Variants in SNX29 observed in about 807,000 individuals in gnomAD.
The protein encoded by SNX29 is sorting nexin-29.
Under a neutral mutation model 102.1 loss-of-function variants are expected in SNX29, and 78 were observed. The ratio of observed to expected loss-of-function variants is 0.76; its 90% CI spans 0.64 to 0.92. The LOEUF (loss-of-function observed/expected upper bound fraction) is 0.92, where lower values mean the gene tolerates loss of function less well. Ranked by LOEUF, SNX29 falls within the 40% of genes least tolerant of loss-of-function variation. SNX29 has a pLI of 0.00. For missense variants in SNX29, 1,280 were observed against 1,061.7 expected (o/e 1.21, Z -2.86); for synonymous variants, 580 against 414.5 (o/e 1.40, Z -4.85).
chr16:12,454,265 G>C (rs913999760), intron 18 of SNX29, among the ~76,000 whole-genome samples: 1 of 152,194 alleles, frequency 6.6e-6, no homozygotes, highest in Non-Finnish European at 1.5e-5. Context: ...TAAGATCGCA[G>C]AGCAGAAAGA....
intron 14 of SNX29, among the ~76,000 whole-genome samples, chr16:12,213,633 A>G (rs2142057515): frequency 6.6e-6 from 1 of 152,354 alleles, no homozygotes; most frequent in African/African-American, 2.4e-5. Flanking sequence ...ACAGCACATT[A>G]GCAGACACCT....
intron 20 of SNX29, among the ~76,000 whole-genome samples, chr16:12,537,544 G>A (rs2077130802): frequency 6.6e-6 from 1 of 152,172 alleles, no homozygotes; most frequent in Non-Finnish European, 1.5e-5. Context: ...TACCTACTAT[G>A]GAGCTTCTCG....
At chr16:12,462,946 G>A (rs1216217214) in intron 18 of SNX29, among the ~76,000 whole-genome samples, 7 of 152,168 alleles carry the variant, frequency 4.6e-5, no homozygotes, top group African/African-American at 7.2e-5. Flanking sequence ...TGCTATGATC[G>A]CTGGATCCCC....
rs530201268 is a variant in SNX29 at position 12,570,817 on chromosome 16, G to A, written c.*2188G>A. On this transcript the variant is annotated 3_prime_UTR_variant, in exon 21 of 21. Coordinates refer to ENST00000566228, the MANE Select transcript of SNX29 (RefSeq NM_032167.5). ...ATTGCTGAGAGATACTAACCCGTGA[G>A]AAACAAGTATGCTCTCAGCTGGTAT... 3 of 232,424 alleles carry A rather than the reference G, an allele frequency of 1.3e-5. No individual in the cohort carries two copies. The highest frequency in any genetic ancestry group is 6.1e-5 in the East Asian group (1 of 16,452). The allele number at this position is 232,424 out of a possible 1,614,324, so 14.4% of individuals were successfully genotyped here.
chr16:12,439,604 C>G (rs117451008), intron 18 of SNX29, among the ~76,000 whole-genome samples: 2,235 of 152,246 alleles, frequency 0.015, 23 homozygotes, highest in African/African-American at 0.026. Flanking sequence ...TTCACTACCA[C>G]GAGAACAGTA....
At chr16:12,443,785 G>A (rs1295454366) in intron 18 of SNX29, among the ~76,000 whole-genome samples, 2 of 152,340 alleles carry the variant, frequency 1.3e-5, no homozygotes, top group Non-Finnish European at 2.9e-5. Flanking sequence ...AAACTCTGCC[G>A]GATGGCTGTC....
intron 18 of SNX29, among the ~76,000 whole-genome samples, chr16:12,430,810 C>T (rs1008779854): frequency 1.5e-4 from 22 of 151,270 alleles, no homozygotes; most frequent in African/African-American, 5.3e-4. Context: ...TAAGTGGTGA[C>T]AGTCATAAAA....
intron 4 of SNX29, among the ~76,000 whole-genome samples, chr16:12,035,136 C>G (rs1312798672): frequency 6.6e-6 from 1 of 151,906 alleles, no homozygotes; most frequent in Admixed American, 6.6e-5. Flanking sequence ...GACTCTTCAG[C>G]TCATGATGGC....
At chr16:12,232,859 A>G (rs1314663490) in intron 14 of SNX29, among the ~76,000 whole-genome samples, 2 of 152,216 alleles carry the variant, frequency 1.3e-5, no homozygotes, top group Non-Finnish European at 2.9e-5. Flanking sequence ...TGTACTCACT[A>G]TCAGCCTCAA....
At chr16:12,107,064 C>A (rs1304351296) in intron 11 of SNX29, among the ~76,000 whole-genome samples, 1 of 152,206 alleles carries the variant, frequency 6.6e-6, no homozygotes, top group Non-Finnish European at 1.5e-5. Context: ...GCAATCCTCC[C>A]TCCTCGGCGT....
chr16:12,531,484 A>T (rs2076931155), intron 20 of SNX29, among the ~76,000 whole-genome samples: 2 of 152,204 alleles, frequency 1.3e-5, no homozygotes, highest in South Asian at 4.1e-4. Context: ...GGAAGGCCCT[A>T]CCAAGAGGGG....
At chr16:12,449,587 G>C (rs1015149442) in intron 18 of SNX29, among the ~76,000 whole-genome samples, 1 of 152,122 alleles carries the variant, frequency 6.6e-6, no homozygotes, top group East Asian at 1.9e-4. Flanking sequence ...GTTGATCAGG[G>C]GCTCAAATGC....
At chr16:12,021,133 T>C (rs967953155) in intron 3 of SNX29, among the ~76,000 whole-genome samples, 4 of 152,094 alleles carry the variant, frequency 2.6e-5, no homozygotes, top group Non-Finnish European at 4.4e-5. Context: ...AGCTGTAACA[T>C]AGTAAAAGAA....
chr16:12,203,915 C>T (rs548096595), intron 14 of SNX29, among the ~76,000 whole-genome samples: 3 of 152,318 alleles, frequency 2.0e-5, no homozygotes, highest in Non-Finnish European at 4.4e-5. Flanking sequence ...TCTGTACTTG[C>T]TCCAGTTTTC....
intron 14 of SNX29, among the ~76,000 whole-genome samples, chr16:12,250,551 C>T (rs1038788350): frequency 2.0e-5 from 3 of 152,200 alleles, no homozygotes; most frequent in East Asian, 1.9e-4. Context: ...TCACTTGCTC[C>T]ACTGGGTACT....
chr16:12,152,557 C>T (rs533524110), intron 13 of SNX29, among the ~76,000 whole-genome samples: 1 of 152,252 alleles, frequency 6.6e-6, no homozygotes, highest in African/African-American at 2.4e-5. Context: ...CCAGATTCAC[C>T]CATCAAATGG....
chr16:12,532,523 A>C (rs1257509622), intron 20 of SNX29, among the ~76,000 whole-genome samples: 2 of 152,256 alleles, frequency 1.3e-5, no homozygotes, highest in Non-Finnish European at 2.9e-5. Flanking sequence ...TAATAGTTTA[A>C]GAATAACTTA....
At chr16:11,988,171 G>A (rs1462234767) in intron 1 of SNX29, among the ~76,000 whole-genome samples, 1 of 151,838 alleles carries the variant, frequency 6.6e-6, no homozygotes, top group East Asian at 1.9e-4. Context: ...GCGGGTGCCT[G>A]TAATCCCAGC....
intron 14 of SNX29, among the ~76,000 whole-genome samples, chr16:12,227,551 T>C (rs976466571): frequency 6.6e-6 from 1 of 152,164 alleles, no homozygotes; most frequent in Non-Finnish European, 1.5e-5. Flanking sequence ...CTGGAGCTTA[T>C]CTTACACAAA....
Sources: gnomAD v4.1 joint callset for allele counts (sites outside exome capture counted in the v4.1 genomes callset) on GRCh38, gnomAD v4.1.1 for gene constraint, MANE v1.5 for transcripts, NCBI Gene and HGNC (gene_info 2026-07-23, HGNC 2026-07-21) for gene names.